EML5: variants seen among roughly 807,000 people sequenced by gnomAD.
EML5 encodes the protein EMAP like 5.
Under a neutral mutation model 250.0 loss-of-function variants are expected in EML5, and 120 were observed. That is an observed-to-expected ratio of 0.48 (90% CI 0.41 to 0.56). The LOEUF (loss-of-function observed/expected upper bound fraction) is 0.56. Among genes scored for constraint, EML5 ranks in the 20% least tolerant of loss-of-function variants. The probability of loss-of-function intolerance (pLI) is 0.00; values close to 1 mark genes in which losing one functional copy is unlikely to be tolerated. For synonymous variants in EML5, 771 were observed against 806.5 expected (o/e 0.96, Z 0.75); for missense variants, 2,006 against 2,437.6 (o/e 0.82, Z 3.73).
rs1313199057 is a variant in EML5, at chr14:88,792,162, T to C, written c.197+145A>G. 1.1e-6 allele frequency: 1 copy of C among 938,752 alleles called. No homozygotes were observed. Among genetic ancestry groups the C allele is most frequent in the Admixed American group, 2.9e-5 (1 of 34,128 alleles). 58.2% of individuals were successfully genotyped at this position (938,752 alleles called of 1,614,324 possible). A position where few individuals can be genotyped will look rare whatever the true frequency, so the allele number is the denominator to read the frequency against. ...AAGGCATTTGTAGGGTGTTAACTGG[T>C]GGACTCGGGACCAGAGAGACAGCTG... On this transcript the variant is annotated intron_variant, in intron 1 of 43. Transcript: ENST00000554922. This position sits in a 1 kb window ranked among gnomAD's most constrained non-coding sequence, Gnocchi z 6.9.
At chr14:88,678,221 A>G (rs1263743335) in intron 21 of EML5, among the ~76,000 whole-genome samples, 3 of 152,172 alleles carry the variant, frequency 2.0e-5, no homozygotes, top group East Asian at 1.9e-4. Context: ...GTTCTCCCTT[A>G]TAAGTGGGAG....
rs1167155368 is a variant in EML5 at position 88,614,953 on chromosome 14, T to A, written c.*865A>T. ...GAATTTAACACTTTTGTTTACATGT[T>A]AAACAAATGTGTATATATTAGACTA... On this transcript the variant is annotated 3_prime_UTR_variant, in exon 44 of 44. Coordinates refer to ENST00000554922, the MANE Select transcript of EML5 (RefSeq NM_183387.3). 6.6e-6 allele frequency: 1 copy of A among 152,208 alleles called. No individual in the cohort carries two copies. Among genetic ancestry groups the A allele is most frequent in the Non-Finnish European group, 1.5e-5 (1 of 68,022 alleles). The allele number at this position is 152,208 out of a possible 1,614,324, so 9.4% of individuals were successfully genotyped here. A position where few individuals can be genotyped will look rare whatever the true frequency, so the allele number is the denominator to read the frequency against.
At chr14:88,652,333 T>G (rs2091667740) in intron 27 of EML5, among the ~76,000 whole-genome samples, 1 of 152,024 alleles carries the variant, frequency 6.6e-6, no homozygotes, top group Non-Finnish European at 1.5e-5. Context: ...CCCTTAACAC[T>G]CCATCTAGAC....
intron 8 of EML5, among the ~76,000 whole-genome samples, chr14:88,716,190 C>T (rs893268479): frequency 2.0e-5 from 3 of 152,108 alleles, no homozygotes; most frequent in African/African-American, 7.2e-5. Flanking sequence ...CAGCTGTGGG[C>T]CTGTTAATTA....
chr14:88,771,658 T>C (rs893084519), intron 1 of EML5, among the ~76,000 whole-genome samples: 1 of 152,188 alleles, frequency 6.6e-6, no homozygotes, highest in Admixed American at 6.5e-5. Flanking sequence ...ATTCATCTCT[T>C]CTCCTTCACT....
intron 21 of EML5, among the ~76,000 whole-genome samples, chr14:88,679,555 G>T (rs1055765446): frequency 6.6e-6 from 1 of 151,998 alleles, no homozygotes; most frequent in Non-Finnish European, 1.5e-5. Context: ...AGCCAGCCGT[G>T]GTGGCGCACG....
intron 32 of EML5, among the ~76,000 whole-genome samples, chr14:88,636,270 T>C (rs928302419): frequency 2.6e-5 from 4 of 152,160 alleles, no homozygotes; most frequent in Admixed American, 2.0e-4. Flanking sequence ...CATGGTCCAG[T>C]GGAGAAGTAG....
chr14:88,682,128 T>C (rs867517932), intron 20 of EML5, 97 bp from the exon 21 acceptor site: 4 of 1,237,776 alleles, frequency 3.2e-6, no homozygotes, highest in Middle Eastern at 2.2e-4. Context: ...CAATAATATA[T>C]GATAATAGGA....
chr14:88,742,324 G>A (rs1383584988), intron 4 of EML5, among the ~76,000 whole-genome samples: 2 of 151,890 alleles, frequency 1.3e-5, no homozygotes, highest in South Asian at 4.1e-4. Flanking sequence ...TGTACTGCTA[G>A]TGTGACTGAG....
At chr14:88,784,418 AC>A (rs1248217752) in intron 1 of EML5, among the ~76,000 whole-genome samples, 1 of 152,108 alleles carries the variant, frequency 6.6e-6, no homozygotes, top group Non-Finnish European at 1.5e-5. Context: ...GAAAAAAAAA[AC>A]AAGATACAAA....
intron 26 of EML5, 24 bp from the exon 27 acceptor site, chr14:88,657,526 T>TTC: frequency 6.4e-7 from 1 of 1,571,838 alleles, no homozygotes; most frequent in Non-Finnish European, 8.6e-7. Context: ...ATACGAGTAA[T>TTC]TCTTTAAGCA....
intron 31 of EML5, among the ~76,000 whole-genome samples, chr14:88,640,046 G>T (rs1439868256): frequency 6.6e-6 from 1 of 152,128 alleles, no homozygotes; most frequent in Non-Finnish European, 1.5e-5. Context: ...CAGTAGGTTG[G>T]ATCCAGAGGA....
chr14:88,719,810 A>G lies in EML5; in HGVS notation c.1188-4615T>C, dbSNP rs147825247. Among the ~76,000 whole-genome samples, 114 of 152,292 alleles carry G rather than the reference A, an allele frequency of 7.5e-4. No individual in the cohort carries two copies. In the East Asian group the frequency reaches 0.019, roughly 25 times the overall value. ...AAAAATACCTTCACAAAGGAGATAG[A>G]CACATGAAAATCCCTCCAAAAAATT... On this transcript the variant is annotated intron_variant, in intron 8 of 43. Coordinates refer to ENST00000554922, the MANE Select transcript of EML5 (RefSeq NM_183387.3).
At chr14:88,781,386 T>C (rs2094496112) in intron 1 of EML5, among the ~76,000 whole-genome samples, 1 of 152,230 alleles carries the variant, frequency 6.6e-6, no homozygotes, top group Non-Finnish European at 1.5e-5. Flanking sequence ...GTAATAGATT[T>C]ATAAATCAGA....
chr14:88,690,736 G>C (rs1371395264), intron 17 of EML5, among the ~76,000 whole-genome samples: 2 of 152,218 alleles, frequency 1.3e-5, no homozygotes, highest in East Asian at 3.9e-4. Flanking sequence ...TGAAGGGAAA[G>C]TCAGTAGAGA....
chr14:88,740,285 C>A, intron 5 of EML5, 102 bp downstream of exon 5: 1 of 992,116 alleles, frequency 1.0e-6, no homozygotes, highest in Non-Finnish European at 1.4e-6. Context: ...TTTCAAGCAA[C>A]CAAACTGACT....
chr14:88,779,687 C>T (rs2094478187), intron 1 of EML5, among the ~76,000 whole-genome samples: 1 of 152,164 alleles, frequency 6.6e-6, no homozygotes, highest in South Asian at 2.1e-4. Flanking sequence ...ATTCTAGGCG[C>T]AAACCAGGAT....
intron 2 of EML5, among the ~76,000 whole-genome samples, chr14:88,750,051 A>G (rs926476416): frequency 2.4e-4 from 37 of 152,172 alleles, no homozygotes; most frequent in African/African-American, 8.4e-4. Context: ...CTGCTTTCAC[A>G]CTGCACTGCA....
chr14:88,708,842 A>G (rs748484081), intron 10 of EML5, among the ~76,000 whole-genome samples: 2 of 152,164 alleles, frequency 1.3e-5, no homozygotes, highest in Non-Finnish European at 2.9e-5. Flanking sequence ...TGATTCAGTA[A>G]TAAGAATAGT....
Sources: gnomAD v4.1 joint callset for allele counts (sites outside exome capture counted in the v4.1 genomes callset) on GRCh38, gnomAD v4.1.1 for gene constraint, Gnocchi (gnomAD v3.1) non-coding constraint, MANE v1.5 for transcripts, NCBI Gene and HGNC (gene_info 2026-07-23, HGNC 2026-07-21) for gene names.